Variants in AGAP1 observed in about 807,000 individuals in gnomAD.
The protein encoded by AGAP1 is arf-GAP with GTPase, ANK repeat and PH domain-containing protein 1.
A neutral mutation model predicts 105.3 loss-of-function variants in AGAP1; 29 were observed. The ratio of observed to expected loss-of-function variants is 0.28; its 90% CI spans 0.21 to 0.38. The LOEUF (loss-of-function observed/expected upper bound fraction) is 0.38. AGAP1 is among the 10% of genes least tolerant of loss of function. The probability of loss-of-function intolerance (pLI) is 1.00; values close to 1 mark genes in which losing one functional copy is unlikely to be tolerated. For synonymous variants in AGAP1, 509 were observed against 485.9 expected, an observed-to-expected ratio of 1.05 and a Z score of -0.63; for missense variants, 998 against 1,165.1, an observed-to-expected ratio of 0.86 and a Z score of 2.09.
intron 16 of AGAP1, among the ~76,000 whole-genome samples, chr2:236,065,006 TA>T (rs796391122): frequency 1.3e-5 from 2 of 152,102 alleles, no homozygotes; most frequent in South Asian, 2.1e-4. Context: ...ATATGACTGA[TA>T]AAAAAAGGAA....
rs992148057 is a variant in AGAP1, at chr2:235,589,209, T to A, written c.163+94360T>A. On this transcript the variant is annotated intron_variant, in intron 1 of 17. Coordinates refer to ENST00000304032, the MANE Select transcript of AGAP1 (RefSeq NM_001037131.3). ...TTATTGTTTTGTTTTTTTTTTTTTT[T>A]TTTTTTTTTTTTTGAGACGGAGTTT... 1.2e-3 allele frequency among the ~76,000 whole-genome samples: 156 copies of A among 127,792 alleles called. 2 individuals carry two copies. The highest frequency in any genetic ancestry group is 1.4e-3 in the Non-Finnish European group (91 of 63,076). 83.8% of individuals were successfully genotyped at this position (127,792 alleles called of 152,430 possible).
intron 1 of AGAP1, among the ~76,000 whole-genome samples, chr2:235,523,873 C>T (rs1001795457): frequency 2.0e-5 from 3 of 151,968 alleles, no homozygotes; most frequent in African/African-American, 7.3e-5. Flanking sequence ...GGCTCACTCA[C>T]CACCCTGTGA....
At chr2:235,544,213 T>A (rs1294242164) in intron 1 of AGAP1, among the ~76,000 whole-genome samples, 1 of 152,208 alleles carries the variant, frequency 6.6e-6, no homozygotes, top group Non-Finnish European at 1.5e-5. Flanking sequence ...TTCCCTGGTT[T>A]TCAGGAGGGG....
intron 9 of AGAP1, among the ~76,000 whole-genome samples, chr2:235,857,875 A>G (rs548951206): frequency 6.6e-6 from 1 of 152,382 alleles, no homozygotes; most frequent in Admixed American, 6.5e-5. Context: ...AAGCAGGCCT[A>G]TCGCCCTGTG....
intron 9 of AGAP1, among the ~76,000 whole-genome samples, chr2:235,817,642 G>A (rs1958533089): frequency 6.6e-6 from 1 of 152,124 alleles, no homozygotes; most frequent in Admixed American, 6.5e-5. Flanking sequence ...TGTAATCCCA[G>A]CACTTTGGGA....
In AGAP1 at chr2:235,732,136, C is replaced by T. The variant is rs1359138952; in HGVS notation, c.311-8827C>T. 6.6e-6 allele frequency among the ~76,000 whole-genome samples: 1 copy of T among 152,266 alleles called. No individual in the cohort carries two copies. The highest frequency in any genetic ancestry group is 2.1e-4 in the South Asian group (1 of 4,814). ...GATCTTTCTGCGTCTCAGGAACATT[C>T]CTTTGTCTTTTATCTTCGAATAGTC... On this transcript the variant is annotated intron_variant, in intron 3 of 17. Coordinates refer to ENST00000304032, the MANE Select transcript of AGAP1 (RefSeq NM_001037131.3). The surrounding 1 kb of genome is among the most constrained non-coding windows in gnomAD (Gnocchi z 4.8).
rs183698931 is a variant in AGAP1, at chr2:235,991,153, A to G, written c.1645+22530A>G. ...TATTGTGTAAAACAAGCTGAATTTT[A>G]CCTAGATTTTTGTGTTGTACTTATT... On this transcript the variant is annotated intron_variant, in intron 13 of 17. Transcript: ENST00000304032. Among the ~76,000 whole-genome samples the G allele has an allele frequency of 9.6e-4, 147 of 152,340 alleles. 2 individuals are homozygous for G. Among genetic ancestry groups the G allele is most frequent in the African/African-American group, 3.4e-3 (143 of 41,570 alleles).
In AGAP1 at chr2:235,578,586, C is replaced by T. The variant is rs1442281007; in HGVS notation, c.163+83737C>T. On this transcript the variant is annotated intron_variant, in intron 1 of 17. Coordinates refer to ENST00000304032, the MANE Select transcript of AGAP1 (RefSeq NM_001037131.3). This position sits in a 1 kb window ranked among gnomAD's most constrained non-coding sequence, Gnocchi z 4.9. ...TCACTTGAGGTCAGGAGTTTGAGAC[C>T]AGCCTGGGCAACATGGTGAAACCTC... 6.6e-6 allele frequency among the ~76,000 whole-genome samples: 1 copy of T among 151,882 alleles called. No homozygotes were observed. The highest frequency in any genetic ancestry group is 6.6e-5 in the Admixed American group (1 of 15,258).
chr2:235,574,545 A>G lies in AGAP1; in HGVS notation c.163+79696A>G, dbSNP rs1415628195. Among the ~76,000 whole-genome samples, 1 of 152,138 alleles carries G rather than the reference A, an allele frequency of 6.6e-6. No homozygotes were observed. The highest frequency in any genetic ancestry group is 1.5e-5 in the Non-Finnish European group (1 of 68,026). Reference sequence around the variant, plus strand: ...TAAATCTCTTTAAACACTTCCCACCACTGAAGTCTTTGGTTTCCTTGATTT... The same window carrying G: ...TAAATCTCTTTAAACACTTCCCACCGCTGAAGTCTTTGGTTTCCTTGATTT... On this transcript the variant is annotated intron_variant, in intron 1 of 17. Coordinates refer to ENST00000304032, the MANE Select transcript of AGAP1 (RefSeq NM_001037131.3). This position sits in a 1 kb window ranked among gnomAD's most constrained non-coding sequence, Gnocchi z 5.0.
rs1957091752 is a variant in AGAP1 at position 235,793,400 on chromosome 2, T to C, written c.674-4359T>C. Among the ~76,000 whole-genome samples the C allele has an allele frequency of 6.6e-6, 1 of 152,096 alleles. No homozygotes were observed. The highest frequency in any genetic ancestry group is 6.5e-5 in the Admixed American group (1 of 15,282). ...TAGTCACCCAAGTAGAAGTTAGAAA[T>C]TGATGACAAACTGAGGGTGCAGGGC... On this transcript the variant is annotated intron_variant, in intron 6 of 17. Coordinates refer to ENST00000304032, the MANE Select transcript of AGAP1 (RefSeq NM_001037131.3). This position sits in a 1 kb window ranked among gnomAD's most constrained non-coding sequence, Gnocchi z 5.3.
chr2:235,746,049 C>T (rs1423367150), intron 5 of AGAP1, among the ~76,000 whole-genome samples: 2 of 152,124 alleles, frequency 1.3e-5, no homozygotes, highest in Non-Finnish European at 2.9e-5. Flanking sequence ...TCACTTGAAC[C>T]CAGGAAGCAG....
chr2:235,768,130 T>C (rs953229732), intron 6 of AGAP1, among the ~76,000 whole-genome samples: 1 of 152,146 alleles, frequency 6.6e-6, no homozygotes, highest in Non-Finnish European at 1.5e-5. Context: ...TCCCTCTTAG[T>C]TTTTCTTACC....
At chr2:235,653,235 G>A (rs1190482631) in intron 1 of AGAP1, among the ~76,000 whole-genome samples, 1 of 152,164 alleles carries the variant, frequency 6.6e-6, no homozygotes, top group Admixed American at 6.5e-5. Context: ...GGAGGCCAAG[G>A]CGGGCGGATC....
rs545125983 is a variant in AGAP1 at position 235,832,937 on chromosome 2, C to T, written c.1050+25606C>T. Among the ~76,000 whole-genome samples the T allele has an allele frequency of 2.2e-3, 330 of 152,344 alleles. 2 individuals carry two copies. The highest frequency in any genetic ancestry group is 7.6e-3 in the African/African-American group (316 of 41,576). On this transcript the variant is annotated intron_variant, in intron 9 of 17. Transcript: ENST00000304032. ...GTGTACAACAGGAGACTGGCAGCCC[C>T]AAAGCAGCTAGTATCCTCTGCCACT...
Position 235,872,960 on chromosome 2 carries a change from C to G in AGAP1, c.1051-10385C>G, listed in dbSNP as rs1027167475. ...GGTGGCTCCACGGTCCCTGAAAGTC[C>G]CCACTGGCTCAGTGCAGCTCTGGAA... On this transcript the variant is annotated intron_variant, in intron 9 of 17. Coordinates refer to ENST00000304032, the MANE Select transcript of AGAP1 (RefSeq NM_001037131.3). This position sits in a 1 kb window ranked among gnomAD's most constrained non-coding sequence, Gnocchi z 4.5. Among the ~76,000 whole-genome samples the G allele has an allele frequency of 6.6e-6, 1 of 152,172 alleles. No homozygotes were observed. The highest frequency in any genetic ancestry group is 1.5e-5 in the Non-Finnish European group (1 of 68,030).
rs1559296519 is a variant in AGAP1, at chr2:235,623,860, A to G, written c.164-85319A>G. ...CAAAAGGTCAGAATTAATAAGGTGT[A>G]GTGCCCAAGAGGAATATTTTGTTTC... On this transcript the variant is annotated intron_variant, in intron 1 of 17. Transcript: ENST00000304032. This position sits in a 1 kb window ranked among gnomAD's most constrained non-coding sequence, Gnocchi z 4.5. Among the ~76,000 whole-genome samples, 1 of 152,206 alleles carries G rather than the reference A, an allele frequency of 6.6e-6. No individual in the cohort carries two copies. The highest frequency in any genetic ancestry group is 6.5e-5 in the Admixed American group (1 of 15,276).
chr2:235,784,964 A>G (rs1361702190), intron 6 of AGAP1, among the ~76,000 whole-genome samples: 1 of 152,176 alleles, frequency 6.6e-6, no homozygotes, highest in African/African-American at 2.4e-5. Flanking sequence ...TTGTCATCTC[A>G]TCCTTCTTCC....
chr2:235,570,824 T>G (rs970713285), intron 1 of AGAP1, among the ~76,000 whole-genome samples: 3 of 152,224 alleles, frequency 2.0e-5, no homozygotes, highest in African/African-American at 7.2e-5. Flanking sequence ...TGTAGGTGAT[T>G]AGGCCGGTGC....
rs967528326 is a variant in AGAP1, at chr2:235,566,920, C to G, written c.163+72071C>G. ...CTCCAGAGGATAGAGCAGGATTCCT[C>G]CTAGCCTTTTCCGGCCTCTGGTGGC... is the stretch of plus-strand genomic sequence containing the variant. On this transcript the variant is annotated intron_variant, in intron 1 of 17. Coordinates refer to ENST00000304032, the MANE Select transcript of AGAP1 (RefSeq NM_001037131.3). This position sits in a 1 kb window ranked among gnomAD's most constrained non-coding sequence, Gnocchi z 5.2. Among the ~76,000 whole-genome samples the G allele has an allele frequency of 3.3e-5, 5 of 152,212 alleles. No individual in the cohort carries two copies.
Sources: gnomAD v4.1 joint callset for allele counts (sites outside exome capture counted in the v4.1 genomes callset) on GRCh38, gnomAD v4.1.1 for gene constraint, Gnocchi (gnomAD v3.1) non-coding constraint, MANE v1.5 for transcripts, NCBI Gene and HGNC (gene_info 2026-07-23, HGNC 2026-07-21) for gene names.